Variants in IL17RC observed in about 807,000 individuals in gnomAD.
The protein encoded by IL17RC is interleukin-17 receptor C.
Under a neutral mutation model 86.7 loss-of-function variants are expected in IL17RC, and 53 were observed. The observed-to-expected ratio is 0.61, with a 90% CI of 0.49 to 0.77. The LOEUF is 0.77. IL17RC is among the 30% of genes least tolerant of loss of function. The probability of loss-of-function intolerance (pLI) is 0.00; values close to 1 mark genes in which losing one functional copy is unlikely to be tolerated. For synonymous variants in IL17RC, 439 were observed against 413.1 expected (o/e 1.06, Z -0.76); for missense variants, 957 against 940.0 (o/e 1.02, Z -0.24).
chr3:9,929,890 G>A lies in IL17RC; in HGVS notation c.1149G>A (p.Leu383=). Residue 383 remains leucine, a synonymous_variant, in exon 13 of 19, where the codon TTG becomes TTA. Transcript: ENST00000403601. ...SSEKLQLQEC[L]WADSLGPLKD... Reference sequence around the variant, plus strand: ...AGAAGCTGCAGCTGCAGGAGTGCTTGTGGGCTGGTGAGTTGGGCCTGGGGG... The same window carrying A: ...AGAAGCTGCAGCTGCAGGAGTGCTTATGGGCTGGTGAGTTGGGCCTGGGGG... 2 of 1,614,200 alleles carry A rather than the reference G, an allele frequency of 1.2e-6. No homozygotes were observed. Among genetic ancestry groups the A allele is most frequent in the Non-Finnish European group, 1.7e-6 (2 of 1,180,034 alleles).
chr3:9,922,056 G>A lies in IL17RC; in HGVS notation c.622+1087G>A, dbSNP rs958299278. Among the ~76,000 whole-genome samples, 4 of 145,286 alleles carry A rather than the reference G, an allele frequency of 2.8e-5. No individual in the cohort carries two copies. The South Asian group carries it at 6.6e-4, about 24-fold the overall frequency. ...CAACCTCTGCCTTCTGGGTTCAAGC[G>A]ATTCTCCTGCCTCAGCCTCCCAAGC... On this transcript the variant is annotated intron_variant, in intron 7 of 18. Coordinates refer to ENST00000403601, the MANE Select transcript of IL17RC (RefSeq NM_153460.4).
Position 9,928,626 on chromosome 3 carries a change from T to C in IL17RC, c.1106T>C (p.Val369Ala), listed in dbSNP as rs778590281. 6.2e-7 allele frequency: 1 copy of C among 1,613,708 alleles called. No individual in the cohort carries two copies. Among genetic ancestry groups the C allele is most frequent in the Non-Finnish European group, 8.5e-7 (1 of 1,180,010 alleles). ...CTGAAAGGCCACCCTAACCTCTGTGTTCAGGTCAGAAAGGGGTGCATAGTG... is the reference window on the plus strand; with the variant it reads ...CTGAAAGGCCACCCTAACCTCTGTGCTCAGGTCAGAAAGGGGTGCATAGTG... ...PLLKGHPNLC[V>A]QVNSSEKLQL... Residue 369 changes from valine (V) to alanine (A), a missense_variant, in exon 12 of 19, where the codon GTT becomes GCT. By Grantham distance (64) the Val-to-Ala change is moderately conservative. Transcript: ENST00000403601.
intron 16 of IL17RC, among the ~76,000 whole-genome samples, chr3:9,931,470 CATATATATATATATATAT>C (rs1553593529): frequency 4.6e-5 from 2 of 43,736 alleles, no homozygotes; most frequent in Non-Finnish European, 1.3e-4. Flanking sequence ...CACACACACA[CATATATATATATATATAT>C]ATATATATAT....
At chr3:9,929,480 A>G (rs893033702) in intron 12 of IL17RC, 5 of 276,018 alleles carry the variant, frequency 1.8e-5, no homozygotes, top group Non-Finnish European at 3.5e-5. Flanking sequence ...AATAAATCAT[A>G]TAGTATCTTA....
At chr3:9,922,135 T>C (rs1266292672) in intron 7 of IL17RC, among the ~76,000 whole-genome samples, 3 of 151,670 alleles carry the variant, frequency 2.0e-5, no homozygotes, top group Non-Finnish European at 4.4e-5. Context: ...GTATTTTTAG[T>C]AGACATGGAG....
intron 7 of IL17RC, among the ~76,000 whole-genome samples, chr3:9,921,202 C>A (rs1457639665): frequency 6.6e-6 from 1 of 152,154 alleles, no homozygotes; most frequent in Non-Finnish European, 1.5e-5. Context: ...TGCCTGTAAT[C>A]CCAGAACTTT....
intron 7 of IL17RC, among the ~76,000 whole-genome samples, chr3:9,922,641 GAGGAAGGA>G: frequency 6.6e-6 from 1 of 152,214 alleles, no homozygotes; most frequent in Non-Finnish European, 1.5e-5. Context: ...GGGTGGGGGT[GAGGAAGGA>G]CACAACAAAC....
chr3:9,928,272 C>T (rs1320496436), intron 10 of IL17RC, 33 bp from the exon 11 acceptor site: 5 of 1,613,444 alleles, frequency 3.1e-6, no homozygotes, highest in Non-Finnish European at 3.4e-6. Context: ...CGATGGGTAC[C>T]TGGCCTGCGG....
chr3:9,921,495 A>G (rs1315933357), intron 7 of IL17RC, among the ~76,000 whole-genome samples: 2 of 152,074 alleles, frequency 1.3e-5, no homozygotes, highest in Non-Finnish European at 2.9e-5. Flanking sequence ...AAAACTTGAA[A>G]TAAAAGCTAA....
At chr3:9,917,851 C>G in intron 2 of IL17RC, 72 bp from the exon 3 acceptor site, 1 of 1,609,854 alleles carries the variant, frequency 6.2e-7, no homozygotes, top group African/African-American at 1.3e-5. Context: ...CTTTGGCTCT[C>G]TGGGTATGTC....
At chr3:9,920,990 G>A in intron 7 of IL17RC, 21 bp downstream of exon 7, 2 of 1,548,082 alleles carry the variant, frequency 1.3e-6, no homozygotes, top group Non-Finnish European at 1.7e-6. Flanking sequence ...GGGCCAGTGG[G>A]CCGGGGGTAG....
rs1483290385 is a variant in IL17RC at position 9,933,126 on chromosome 3, C to A, written c.1696C>A (p.Gln566Lys). The change falls in exon 19 of 19, where the codon CAG (glutamine) becomes AAG (lysine). Residue 566 changes from glutamine to lysine, a missense_variant. By Grantham distance (53) the Gln-to-Lys change is moderately conservative (BLOSUM62 1). Transcript: ENST00000403601. ...GGGGCCCGTGGCTTGGTTTCACGCG[C>A]AGCGGCGCCAGACCCTGCAGGAGGG... ...AQGPVAWFHA[Q>K]RRQTLQEGGV... 6.3e-7 allele frequency: 1 copy of A among 1,588,794 alleles called. No individual in the cohort carries two copies. Among genetic ancestry groups the A allele is most frequent in the South Asian group, 1.1e-5 (1 of 87,926 alleles).
chr3:9,929,189 C>T (rs561846194), intron 12 of IL17RC: 149 of 155,316 alleles, frequency 9.6e-4, no homozygotes, highest in Non-Finnish European at 1.8e-3. Context: ...TGGTGGGCAC[C>T]TGTAGTCCCA....
At chr3:9,924,911 C>T (rs6783252) in intron 9 of IL17RC, among the ~76,000 whole-genome samples, 5 of 152,068 alleles carry the variant, frequency 3.3e-5, no homozygotes, top group African/African-American at 1.2e-4. Flanking sequence ...AAGTGATCCT[C>T]CTGTCTCAGC....
At chr3:9,922,983 G>C (rs1032315840) in intron 7 of IL17RC, among the ~76,000 whole-genome samples, 1 of 151,326 alleles carries the variant, frequency 6.6e-6, no homozygotes, top group Non-Finnish European at 1.5e-5. Flanking sequence ...AGACCATCCT[G>C]GCTAACACGG....
At chr3:9,928,073 A>G in intron 9 of IL17RC, 93 bp from the exon 10 acceptor site, 1 of 1,209,982 alleles carries the variant, frequency 8.3e-7, no homozygotes, top group Non-Finnish European at 1.2e-6. Flanking sequence ...TGTTTGTGAA[A>G]TACCTGCTGA....
Position 9,929,905 on chromosome 3 carries a change from G to A in IL17RC, c.1156+8G>A. On this transcript the variant is annotated splice_region_variant and intron_variant, in intron 13 of 18. Coordinates refer to ENST00000403601, the MANE Select transcript of IL17RC (RefSeq NM_153460.4). ...AGGAGTGCTTGTGGGCTGGTGAGTT[G>A]GGCCTGGGGGCAGCTGGGGCAGGGC... 6.2e-7 allele frequency: 1 copy of A among 1,614,084 alleles called. No homozygotes were observed. Among genetic ancestry groups the A allele is most frequent in the Non-Finnish European group, 8.5e-7 (1 of 1,179,996 alleles).
In IL17RC at chr3:9,928,337, G is replaced by A. The variant is rs758390328; in HGVS notation, c.910G>A (p.Ala304Thr). The change falls in exon 11 of 19, where the codon GCC (alanine) becomes ACC (threonine). Residue 304 changes from alanine (A) to threonine (T), a missense_variant. Physicochemically the swap from Ala to Thr is moderately conservative, Grantham distance 58 (BLOSUM62 0). Transcript: ENST00000403601. ...CGCACACCAGAACCTCTGGCAAGCC[G>A]CCCGACTGCAACTGCTGACCCTGCA... ...PRAHQNLWQA[A>T]RLQLLTLQSW... is the part of the protein sequence containing the mutation. 2.0e-5 allele frequency: 32 copies of A among 1,603,474 alleles called. No homozygotes were observed. The highest frequency in any genetic ancestry group is 8.0e-5 in the African/African-American group (6 of 74,764).
intron 5 of IL17RC, among the ~76,000 whole-genome samples, chr3:9,919,434 G>A (rs1189682406): frequency 6.6e-6 from 1 of 152,072 alleles, no homozygotes; most frequent in Non-Finnish European, 1.5e-5. Context: ...CACGAAGTCA[G>A]GAGATTGAGA....
Sources: allele counts gnomAD v4.1 joint callset (sites outside exome capture counted in the v4.1 genomes callset), GRCh38; gene constraint gnomAD v4.1.1; transcripts MANE v1.5; gene names NCBI Gene and HGNC (gene_info 2026-07-23, HGNC 2026-07-21).